The following LRRC4C variants were observed in gnomAD, a reference collection of about 807,000 sequenced individuals.
LRRC4C encodes leucine-rich repeat-containing protein 4C.
Under a neutral mutation model 33.6 loss-of-function variants are expected in LRRC4C, and 5 were observed. The observed-to-expected ratio is 0.15, with a 90% CI of 0.08 to 0.31. The LOEUF (loss-of-function observed/expected upper bound fraction) is 0.31, where lower values mean the gene tolerates loss of function less well. Ranked by LOEUF, LRRC4C falls within the 10% of genes least tolerant of loss-of-function variation. LRRC4C has a pLI of 1.00. For synonymous variants in LRRC4C, 329 were observed against 302.0 expected, an observed-to-expected ratio of 1.09 and a Z score of -0.93; for missense variants, 560 against 796.7, an observed-to-expected ratio of 0.70 and a Z score of 3.58.
chr11:40,440,963 A>G (rs1391706731), intron 3 of LRRC4C, among the ~76,000 whole-genome samples: 1 of 151,960 alleles, frequency 6.6e-6, no homozygotes, highest in Non-Finnish European at 1.5e-5. Context: ...TACTCAAGTT[A>G]CTAAACCCCT....
intron 2 of LRRC4C, among the ~76,000 whole-genome samples, chr11:40,765,735 A>G (rs1433348680): frequency 6.6e-6 from 1 of 152,034 alleles, no homozygotes; most frequent in Non-Finnish European, 1.5e-5. Context: ...AAGCAGAAGA[A>G]AGAACTGCTG....
chr11:40,615,185 C>A (rs1291386964), intron 3 of LRRC4C, among the ~76,000 whole-genome samples: 2 of 147,914 alleles, frequency 1.4e-5, no homozygotes, highest in Non-Finnish European at 3.0e-5. Context: ...TGGTTCTAGA[C>A]CCTATAGTTC....
At chr11:40,515,013 C>G (rs1955506049) in intron 3 of LRRC4C, among the ~76,000 whole-genome samples, 1 of 152,008 alleles carries the variant, frequency 6.6e-6, no homozygotes, top group South Asian at 2.1e-4. Flanking sequence ...TGTGGAGTAC[C>G]TGTCAACCAA....
At chr11:40,701,418 C>A (rs986822050) in intron 2 of LRRC4C, among the ~76,000 whole-genome samples, 3 of 151,466 alleles carry the variant, frequency 2.0e-5, no homozygotes, top group African/African-American at 7.3e-5. Context: ...TGTAATAAAG[C>A]GTATTTGCAG....
chr11:40,959,837 C>T (rs753934304), intron 1 of LRRC4C, among the ~76,000 whole-genome samples: 2 of 151,636 alleles, frequency 1.3e-5, no homozygotes, highest in African/African-American at 4.8e-5. Context: ...CAAAAACAAG[C>T]TCAACACCCA....
chr11:40,487,293 C>T (rs1178406559), intron 3 of LRRC4C, among the ~76,000 whole-genome samples: 4 of 152,046 alleles, frequency 2.6e-5, no homozygotes, highest in African/African-American at 4.8e-5. Flanking sequence ...AAAATTACAA[C>T]ATTTATAAAG....
chr11:41,096,303 A>T (rs1259317917), intron 1 of LRRC4C, among the ~76,000 whole-genome samples: 1 of 152,226 alleles, frequency 6.6e-6, no homozygotes, highest in African/African-American at 2.4e-5. Flanking sequence ...TGATTCAAAC[A>T]CCATTAAACT....
intron 1 of LRRC4C, among the ~76,000 whole-genome samples, chr11:40,990,019 C>A (rs1274309391): frequency 1.3e-5 from 2 of 151,014 alleles, no homozygotes; most frequent in Non-Finnish European, 2.9e-5. Flanking sequence ...AAATACTACA[C>A]AATCTTATTT....
intron 1 of LRRC4C, among the ~76,000 whole-genome samples, chr11:41,448,361 A>C (rs1955907858): frequency 2.2e-5 from 3 of 138,616 alleles, no homozygotes; most frequent in South Asian, 4.5e-4. Context: ...GCTGGAGTGT[A>C]ATGGTATAAT....
chr11:41,079,984 T>C (rs1466440635), intron 1 of LRRC4C, among the ~76,000 whole-genome samples: 1 of 152,202 alleles, frequency 6.6e-6, no homozygotes, highest in African/African-American at 2.4e-5. Context: ...GGTATTAACC[T>C]GTTTATCATC....
intron 2 of LRRC4C, among the ~76,000 whole-genome samples, chr11:40,706,647 G>A (rs1297763142): frequency 6.6e-6 from 1 of 152,122 alleles, no homozygotes; most frequent in Non-Finnish European, 1.5e-5. Context: ...GTAGCCTGAT[G>A]CCTCCAGCTT....
At chr11:40,435,441 A>T (rs556859533) in intron 3 of LRRC4C, among the ~76,000 whole-genome samples, 1 of 152,196 alleles carries the variant, frequency 6.6e-6, no homozygotes, top group Non-Finnish European at 1.5e-5. Flanking sequence ...GATGGGGAGG[A>T]GTGATGGGAG....
intron 4 of LRRC4C, among the ~76,000 whole-genome samples, chr11:40,284,803 A>T (rs942987425): frequency 6.6e-6 from 1 of 152,204 alleles, no homozygotes; most frequent in African/African-American, 2.4e-5. Flanking sequence ...GTTAAAAAAA[A>T]TATGTTATGT....
At chr11:40,520,281 A>C (rs1283219556) in intron 3 of LRRC4C, among the ~76,000 whole-genome samples, 1 of 152,182 alleles carries the variant, frequency 6.6e-6, no homozygotes, top group Non-Finnish European at 1.5e-5. Context: ...CTTTGTGTTC[A>C]AAACCTGGTA....
intron 1 of LRRC4C, among the ~76,000 whole-genome samples, chr11:41,203,523 A>T (rs1272915464): frequency 6.6e-6 from 1 of 152,182 alleles, no homozygotes; most frequent in Non-Finnish European, 1.5e-5. Flanking sequence ...TACATGCAAG[A>T]GTCCCTGCAT....
chr11:40,561,408 CTTT>C (rs549919738), intron 3 of LRRC4C, among the ~76,000 whole-genome samples: 71 of 100,934 alleles, frequency 7.0e-4, no homozygotes, highest in East Asian at 1.4e-3. Context: ...CTGAGGATTC[CTTT>C]TTTTTTTTTT....
At chr11:41,092,361 T>A (rs1390581838) in intron 1 of LRRC4C, among the ~76,000 whole-genome samples, 1 of 152,200 alleles carries the variant, frequency 6.6e-6, no homozygotes. Context: ...TATTACACAG[T>A]GCCTCATTAG....
intron 1 of LRRC4C, among the ~76,000 whole-genome samples, chr11:41,065,817 G>A (rs1938192988): frequency 6.6e-6 from 1 of 152,168 alleles, no homozygotes; most frequent in South Asian, 2.1e-4. Flanking sequence ...ACGTGCCGAA[G>A]AGGGGCCTGT....
intron 3 of LRRC4C, among the ~76,000 whole-genome samples, chr11:40,519,081 G>A (rs1027064267): frequency 5.9e-5 from 9 of 152,172 alleles, no homozygotes; most frequent in African/African-American, 2.2e-4. Flanking sequence ...CACACACCAG[G>A]GCCTGTTGGG....
Sources: gnomAD v4.1 joint callset for allele counts (sites outside exome capture counted in the v4.1 genomes callset) on GRCh38, gnomAD v4.1.1 for gene constraint, MANE v1.5 for transcripts, NCBI Gene and HGNC (gene_info 2026-07-23, HGNC 2026-07-21) for gene names.